The following AKAP6 variants were observed in gnomAD, a reference collection of about 807,000 sequenced individuals.
AKAP6 encodes A-kinase anchor protein 6.
Under a neutral mutation model 188.5 loss-of-function variants are expected in AKAP6, and 58 were observed. The observed-to-expected ratio is 0.31, with a 90% CI of 0.25 to 0.38. The LOEUF is 0.38. Ranked by LOEUF, AKAP6 falls within the 10% of genes least tolerant of loss-of-function variation. AKAP6 has a pLI of 1.00. For missense variants in AKAP6, 2,710 were observed against 2,740.0 expected (o/e 0.99, Z 0.24); for synonymous variants, 989 against 998.6 (o/e 0.99, Z 0.18).
intron 2 of AKAP6, among the ~76,000 whole-genome samples, chr14:32,526,423 C>T (rs1272915820): frequency 2.0e-5 from 3 of 151,974 alleles, no homozygotes; most frequent in Non-Finnish European, 4.4e-5. Context: ...AGTAGAGATG[C>T]AGTTTCACCA....
At chr14:32,630,136 A>G (rs1887206218) in intron 7 of AKAP6, among the ~76,000 whole-genome samples, 1 of 152,088 alleles carries the variant, frequency 6.6e-6, no homozygotes, top group Non-Finnish European at 1.5e-5. Context: ...TCTTGTTCCC[A>G]TTAAATAAGT....
chr14:32,407,509 T>C (rs8004021), intron 1 of AKAP6, among the ~76,000 whole-genome samples: 120,100 of 152,140 alleles, frequency 0.79, 50,771 homozygotes, highest in Non-Finnish European at 0.94. Flanking sequence ...TGAAGAGGAA[T>C]CTGGGGAGGC....
chr14:32,424,019 C>A (rs1480026974), intron 1 of AKAP6, among the ~76,000 whole-genome samples: 1 of 152,098 alleles, frequency 6.6e-6, no homozygotes, highest in African/African-American at 2.4e-5. Flanking sequence ...TCTATCTTTT[C>A]TTTCTGGGCT....
At chr14:32,360,654 A>G (rs779712983) in intron 1 of AKAP6, among the ~76,000 whole-genome samples, 49 of 151,838 alleles carry the variant, frequency 3.2e-4, no homozygotes, top group Admixed American at 7.9e-4. Context: ...TTATAATCCA[A>G]TACTATGGTT....
chr14:32,576,306 G>A (rs1884714625), intron 4 of AKAP6, among the ~76,000 whole-genome samples: 2 of 152,202 alleles, frequency 1.3e-5, no homozygotes, highest in Non-Finnish European at 1.5e-5. Flanking sequence ...CCCAGACACG[G>A]AAAGCAGGAG....
chr14:32,356,642 C>CA (rs1295655442), intron 1 of AKAP6, among the ~76,000 whole-genome samples: 1 of 152,114 alleles, frequency 6.6e-6, no homozygotes. Flanking sequence ...CATTGTATGT[C>CA]ATAAAAAGCC....
intron 2 of AKAP6, among the ~76,000 whole-genome samples, chr14:32,508,749 A>G (rs1368362497): frequency 6.6e-6 from 1 of 152,206 alleles, no homozygotes. Flanking sequence ...CTAGAAAATT[A>G]TATACCATTT....
At chr14:32,435,089 T>G (rs1890337274) in intron 2 of AKAP6, among the ~76,000 whole-genome samples, 1 of 152,168 alleles carries the variant, frequency 6.6e-6, no homozygotes, top group Admixed American at 6.5e-5. Flanking sequence ...TGAAACATGG[T>G]TTGTATAATC....
chr14:32,411,513 G>A (rs999172459), intron 1 of AKAP6, among the ~76,000 whole-genome samples: 2 of 152,118 alleles, frequency 1.3e-5, no homozygotes, highest in Admixed American at 1.3e-4. Context: ...TCTGCATAGA[G>A]AGGCAGACTC....
At chr14:32,476,618 C>T (rs1957028) in intron 2 of AKAP6, among the ~76,000 whole-genome samples, 41,469 of 152,036 alleles carry the variant, frequency 0.27, 6,100 homozygotes, top group Non-Finnish European at 0.32. Flanking sequence ...CTTCAGACAC[C>T]GGGCCGCAAG....
chr14:32,578,123 A>G (rs1026194268), intron 5 of AKAP6, among the ~76,000 whole-genome samples: 2 of 152,150 alleles, frequency 1.3e-5, no homozygotes, highest in African/African-American at 4.8e-5. Context: ...TTTGGATTGA[A>G]TAAACATTAT....
At chr14:32,366,678 G>C (rs1254039232) in intron 1 of AKAP6, among the ~76,000 whole-genome samples, 2 of 151,990 alleles carry the variant, frequency 1.3e-5, no homozygotes, top group Non-Finnish European at 2.9e-5. Context: ...TTTATATTTG[G>C]ATTTGAAAAT....
At chr14:32,444,468 T>G (rs757719014) in intron 2 of AKAP6, among the ~76,000 whole-genome samples, 1 of 152,240 alleles carries the variant, frequency 6.6e-6, no homozygotes, top group Non-Finnish European at 1.5e-5. Flanking sequence ...ATCTCTTCTC[T>G]GTCCACTTTA....
intron 1 of AKAP6, among the ~76,000 whole-genome samples, chr14:32,347,039 T>C (rs763551369): frequency 3.9e-5 from 6 of 152,248 alleles, no homozygotes; most frequent in Non-Finnish European, 5.9e-5. Context: ...GTCTGTTTGA[T>C]AGATTGATGA....
intron 2 of AKAP6, among the ~76,000 whole-genome samples, chr14:32,492,106 A>G (rs1880046539): frequency 6.6e-6 from 1 of 151,648 alleles, no homozygotes; most frequent in Non-Finnish European, 1.5e-5. Flanking sequence ...AGCCCCCTCA[A>G]CAAAAATACC....
At chr14:32,751,581 G>A (rs915175936) in intron 11 of AKAP6, among the ~76,000 whole-genome samples, 29 of 145,818 alleles carry the variant, frequency 2.0e-4, no homozygotes, top group African/African-American at 5.8e-4. Context: ...AGTTTTACCC[G>A]CTGTTTGATT....
chr14:32,456,263 T>A (rs1891144259), intron 2 of AKAP6, among the ~76,000 whole-genome samples: 1 of 152,186 alleles, frequency 6.6e-6, no homozygotes, highest in Non-Finnish European at 1.5e-5. Flanking sequence ...TGCTGAGCAG[T>A]CTTATACTAC....
intron 8 of AKAP6, among the ~76,000 whole-genome samples, chr14:32,688,329 T>A (rs1294403155): frequency 2.0e-5 from 3 of 152,092 alleles, no homozygotes; most frequent in Admixed American, 2.0e-4. Flanking sequence ...CTCTTTTCTT[T>A]AAAATGTATT....
In AKAP6 at chr14:32,632,539, G is replaced by A. The variant is rs550707935; in HGVS notation, c.2730+31747G>A. 1.2e-3 allele frequency among the ~76,000 whole-genome samples: 188 copies of A among 152,184 alleles called. 2 individuals are homozygous for A. The highest frequency in any genetic ancestry group is 0.01 in the Middle Eastern group (3 of 294). On this transcript the variant is annotated intron_variant, in intron 7 of 13. Coordinates refer to ENST00000280979, the MANE Select transcript of AKAP6 (RefSeq NM_004274.5). ...CTTTAAAGAGAATGTTCTAGTATCA[G>A]CAAACTTTATGCTCAGAGGAAATGA...
Sources: allele counts gnomAD v4.1 joint callset (sites outside exome capture counted in the v4.1 genomes callset), GRCh38; gene constraint gnomAD v4.1.1; transcripts MANE v1.5; gene names NCBI Gene and HGNC (gene_info 2026-07-23, HGNC 2026-07-21).